Variants in UTRN observed in about 807,000 individuals in gnomAD.
UTRN encodes the protein utrophin, also known as dystrophin-related protein 1.
In UTRN, 283 loss-of-function variants were observed where a neutral mutation model predicts 463.9. The observed-to-expected ratio is 0.61, with a 90% CI of 0.55 to 0.67. UTRN has a LOEUF of 0.67. UTRN is among the 30% of genes least tolerant of loss of function. The pLI is 0.00. For synonymous variants in UTRN, 1,442 were observed against 1,431.5 expected (o/e 1.01, Z -0.17); for missense variants, 3,922 against 4,084.3 (o/e 0.96, Z 1.08).
intron 2 of UTRN, among the ~76,000 whole-genome samples, chr6:144,325,267 G>C (rs1444428209): frequency 6.6e-6 from 1 of 152,246 alleles, no homozygotes; most frequent in South Asian, 2.1e-4. Flanking sequence ...TAGGTCATGA[G>C]AGCTCTGCTC....
intron 2 of UTRN, among the ~76,000 whole-genome samples, chr6:144,386,307 A>C (rs992130328): frequency 6.6e-6 from 1 of 152,068 alleles, no homozygotes; most frequent in African/African-American, 2.4e-5. Context: ...ACAGAAAAAT[A>C]CAAAAATTAG....
At chr6:144,638,668 A>G (rs780275217) in intron 51 of UTRN, among the ~76,000 whole-genome samples, 2 of 152,226 alleles carry the variant, frequency 1.3e-5, no homozygotes, top group Non-Finnish European at 2.9e-5. Flanking sequence ...TCAATTAATC[A>G]AAGTTACTAA....
At chr6:144,728,909 C>A (rs1788214098) in intron 53 of UTRN, among the ~76,000 whole-genome samples, 2 of 152,130 alleles carry the variant, frequency 1.3e-5, no homozygotes, top group Admixed American at 1.3e-4. Flanking sequence ...TTCTTGTCAG[C>A]TCTTCTCATC....
chr6:144,549,157 C>A (rs562182761), intron 47 of UTRN, among the ~76,000 whole-genome samples: 1 of 152,316 alleles, frequency 6.6e-6, no homozygotes, highest in South Asian at 2.1e-4. Context: ...CATTTCATGC[C>A]TGTTGTGTGA....
chr6:144,362,063 A>T (rs192060550), intron 2 of UTRN, among the ~76,000 whole-genome samples: 142 of 152,336 alleles, frequency 9.3e-4, no homozygotes, highest in African/African-American at 3.2e-3. Context: ...AGTAAAATAG[A>T]GTTGTGAATG....
chr6:144,315,322 C>A (rs920642394), intron 2 of UTRN, among the ~76,000 whole-genome samples: 1 of 152,136 alleles, frequency 6.6e-6, no homozygotes, highest in Non-Finnish European at 1.5e-5. Context: ...GGATGGCTGG[C>A]AGGGGCAGTA....
intron 52 of UTRN, among the ~76,000 whole-genome samples, chr6:144,693,105 G>T (rs2128693604): frequency 6.6e-6 from 1 of 151,800 alleles, no homozygotes; most frequent in South Asian, 2.1e-4. Flanking sequence ...TCAATGTTTT[G>T]CATATGGCTA....
chr6:144,480,650 A>G (rs887116507), intron 26 of UTRN, among the ~76,000 whole-genome samples: 1 of 152,170 alleles, frequency 6.6e-6, no homozygotes, highest in Non-Finnish European at 1.5e-5. Flanking sequence ...CTTTTTATAT[A>G]TAATAAAAGA....
At chr6:144,495,270 G>A (rs1793506553) in intron 33 of UTRN, among the ~76,000 whole-genome samples, 1 of 152,242 alleles carries the variant, frequency 6.6e-6, no homozygotes, top group Non-Finnish European at 1.5e-5. Context: ...GGAATGGCGG[G>A]CTGCAGGTCC....
chr6:144,548,931 G>C, intron 47 of UTRN, 77 bp downstream of exon 47: 1 of 1,440,600 alleles, frequency 6.9e-7, no homozygotes, highest in South Asian at 1.3e-5. Flanking sequence ...AATCCCTTTT[G>C]TTTATCCTAA....
intron 51 of UTRN, among the ~76,000 whole-genome samples, chr6:144,636,783 TTC>T (rs1239766587): frequency 2.6e-5 from 4 of 152,206 alleles, no homozygotes; most frequent in African/African-American, 9.6e-5. Flanking sequence ...TCTTCGTTCA[TTC>T]TCTCTTTCTT....
In UTRN at chr6:144,437,752, T is replaced by G; in HGVS notation, c.1241+6T>G. On this transcript the variant is annotated splice_donor_region_variant and intron_variant, in intron 11 of 74. Transcript: ENST00000367545. Reference sequence around the variant, plus strand: ...AGTATGGACAGACAGTCCCGGTGAGTGGAAAGCCAAGAAATGCACTTAATT... The same window carrying G: ...AGTATGGACAGACAGTCCCGGTGAGGGGAAAGCCAAGAAATGCACTTAATT... 1 of 1,604,052 alleles carries G rather than the reference T, an allele frequency of 6.2e-7. No homozygotes were observed. The highest frequency in any genetic ancestry group is 8.5e-7 in the Non-Finnish European group (1 of 1,176,108).
intron 51 of UTRN, 149 bp downstream of exon 51, chr6:144,577,437 A>T: frequency 1.2e-6 from 1 of 822,376 alleles, no homozygotes; most frequent in Non-Finnish European, 1.8e-6. Flanking sequence ...AGGTTTCTTG[A>T]AATAAGCTCT....
At chr6:144,697,643 T>C (rs1471984600) in intron 52 of UTRN, among the ~76,000 whole-genome samples, 1 of 152,224 alleles carries the variant, frequency 6.6e-6, no homozygotes, top group African/African-American at 2.4e-5. Flanking sequence ...CTTTTTACTA[T>C]GAAAAATCAA....
chr6:144,524,428 T>A (rs944405958), intron 41 of UTRN, among the ~76,000 whole-genome samples: 15 of 148,546 alleles, frequency 1.0e-4, no homozygotes, highest in South Asian at 4.2e-4. Context: ...CATTGACAGG[T>A]TTTTTTTTTA....
intron 52 of UTRN, among the ~76,000 whole-genome samples, chr6:144,691,655 A>G (rs541818086): frequency 3.9e-5 from 6 of 152,056 alleles, no homozygotes; most frequent in African/African-American, 9.6e-5. Context: ...AACTTCTTCT[A>G]TTTCCCAGTC....
chr6:144,767,459 A>G (rs1268918517), intron 58 of UTRN, among the ~76,000 whole-genome samples: 1 of 152,182 alleles, frequency 6.6e-6, no homozygotes, highest in Non-Finnish European at 1.5e-5. Flanking sequence ...TTCCATATCA[A>G]GAGCTTAGCT....
rs3061626 is a variant in UTRN, at chr6:144,343,363, A to AACACACACACACACAC, written c.79+51488_79+51503dup. Among the ~76,000 whole-genome samples the AACACACACACACACAC allele has an allele frequency of 4.5e-4, 61 of 135,420 alleles. 2 individuals carry two copies. Among genetic ancestry groups the AACACACACACACACAC allele is most frequent in the African/African-American group, 1.7e-3 (60 of 35,048 alleles). The allele number at this position is 135,420 out of a possible 152,430, so 88.8% of individuals were successfully genotyped here. The stretch of plus-strand genomic sequence containing the variant: ...ACATGGTGAAATCCCGTCTCTACTA[A>AACACACACACACACAC]ACACACACACACACACACACACACA... On this transcript the variant is annotated intron_variant, in intron 2 of 74. Coordinates refer to ENST00000367545, the MANE Select transcript of UTRN (RefSeq NM_007124.3).
intron 53 of UTRN, among the ~76,000 whole-genome samples, chr6:144,728,100 CAA>C (rs5880604): frequency 0.37 from 38,299 of 103,790 alleles, 7,984 homozygotes; most frequent in East Asian, 0.63. Context: ...GACTCCATCT[CAA>C]AAAAAAAAAA....
Sources: allele counts gnomAD v4.1 joint callset (sites outside exome capture counted in the v4.1 genomes callset), GRCh38; gene constraint gnomAD v4.1.1; transcripts MANE v1.5; gene names NCBI Gene and HGNC (gene_info 2026-07-23, HGNC 2026-07-21).